The following TTC28 variants were observed in gnomAD, a reference collection of about 807,000 sequenced individuals.
The protein encoded by TTC28 is tetratricopeptide repeat domain 28.
A neutral mutation model predicts 198.0 loss-of-function variants in TTC28; 61 were observed. That is an observed-to-expected ratio of 0.31 (90% CI 0.25 to 0.38). TTC28 has a LOEUF of 0.38. TTC28 is among the 10% of genes least tolerant of loss of function. TTC28 has a pLI of 1.00. For missense variants in TTC28, 2,678 were observed against 3,164.0 expected (o/e 0.85, Z 3.69); for synonymous variants, 1,171 against 1,297.8 (o/e 0.90, Z 2.10).
intron 12 of TTC28, among the ~76,000 whole-genome samples, chr22:28,031,574 T>C (rs1190360640): frequency 6.6e-6 from 1 of 152,064 alleles, no homozygotes; most frequent in Non-Finnish European, 1.5e-5. Context: ...AGGACAAACA[T>C]GACCCACTTC....
intron 2 of TTC28, among the ~76,000 whole-genome samples, chr22:28,489,915 C>T (rs1184852993): frequency 1.3e-5 from 2 of 152,114 alleles, no homozygotes. Context: ...CAAGGTCCCA[C>T]AATAGGCTGT....
intron 2 of TTC28, among the ~76,000 whole-genome samples, chr22:28,401,987 C>G (rs1303653593): frequency 2.0e-5 from 3 of 152,188 alleles, no homozygotes. Context: ...TCCCTCCCAT[C>G]TGTTTACTGG....
intron 6 of TTC28, among the ~76,000 whole-genome samples, chr22:28,141,894 C>T (rs889186610): frequency 2.6e-5 from 4 of 152,154 alleles, no homozygotes; most frequent in Admixed American, 6.5e-5. Flanking sequence ...ACAAGGGATT[C>T]ATTTATTACA....
At chr22:28,055,983 TTTC>T (rs1940271191) in intron 12 of TTC28, among the ~76,000 whole-genome samples, 1 of 152,328 alleles carries the variant, frequency 6.6e-6, no homozygotes, top group East Asian at 1.9e-4. Flanking sequence ...TAGTTCATTC[TTTC>T]TTATTTTTCC....
At chr22:28,567,314 A>AG (rs1229773937) in intron 2 of TTC28, among the ~76,000 whole-genome samples, 1 of 148,298 alleles carries the variant, frequency 6.7e-6, no homozygotes, top group Non-Finnish European at 1.5e-5. Context: ...AATTGAGCTC[A>AG]GGGGGTCAAG....
chr22:28,098,901 C>T lies in TTC28; in HGVS notation c.3547+14G>A. 6.4e-7 allele frequency: 1 copy of T among 1,551,282 alleles called. No individual in the cohort carries two copies. The highest frequency in any genetic ancestry group is 8.7e-7 in the Non-Finnish European group (1 of 1,146,776). ...GTGCACACGTAAGCAAGGAGTAACC[C>T]CAGCTGTTCTCACCTAGGCTGACGA... On this transcript the variant is annotated intron_variant, in intron 10 of 22. Coordinates refer to ENST00000397906, the MANE Select transcript of TTC28 (RefSeq NM_001145418.2).
intron 2 of TTC28, among the ~76,000 whole-genome samples, chr22:28,396,990 A>T (rs1040113560): frequency 6.6e-6 from 1 of 152,212 alleles, no homozygotes; most frequent in Non-Finnish European, 1.5e-5. Context: ...CCACAGCTTG[A>T]CACTGCTTTA....
intron 2 of TTC28, among the ~76,000 whole-genome samples, chr22:28,496,253 G>A (rs1406518024): frequency 2.0e-5 from 3 of 151,774 alleles, no homozygotes; most frequent in East Asian, 1.9e-4. Context: ...CTATAAATGC[G>A]TATCTCTGGC....
chr22:28,639,498 C>G (rs966729294), intron 1 of TTC28, among the ~76,000 whole-genome samples: 1 of 152,170 alleles, frequency 6.6e-6, no homozygotes, highest in Non-Finnish European at 1.5e-5. Context: ...TGTGTCCCCA[C>G]CCAAGTCTCA....
At chr22:28,621,913 AAGAG>A (rs1457093068) in intron 2 of TTC28, among the ~76,000 whole-genome samples, 1 of 152,196 alleles carries the variant, frequency 6.6e-6, no homozygotes, top group Non-Finnish European at 1.5e-5. Context: ...TCAAAACATC[AAGAG>A]AATCATTAAA....
At chr22:28,636,320 T>C (rs2051271382) in intron 1 of TTC28, among the ~76,000 whole-genome samples, 1 of 151,844 alleles carries the variant, frequency 6.6e-6, no homozygotes. Flanking sequence ...AGAGACGGGG[T>C]TTCACCGTGT....
At chr22:28,562,196 A>G (rs1252270394) in intron 2 of TTC28, among the ~76,000 whole-genome samples, 1 of 152,258 alleles carries the variant, frequency 6.6e-6, no homozygotes, top group Non-Finnish European at 1.5e-5. Flanking sequence ...TATGTAGTAC[A>G]TGGAGAAGAG....
intron 9 of TTC28, among the ~76,000 whole-genome samples, chr22:28,100,869 A>T (rs1469221128): frequency 6.6e-6 from 1 of 152,262 alleles, no homozygotes; most frequent in East Asian, 1.9e-4. Flanking sequence ...ATGAAATTTA[A>T]TTATGAATTT....
At chr22:28,354,414 A>C (rs1183238825) in intron 2 of TTC28, among the ~76,000 whole-genome samples, 1 of 152,196 alleles carries the variant, frequency 6.6e-6, no homozygotes, top group Non-Finnish European at 1.5e-5. Flanking sequence ...AAGTAAAATA[A>C]ACCAGATACA....
intron 12 of TTC28, among the ~76,000 whole-genome samples, chr22:28,035,003 T>C (rs1317897140): frequency 2.0e-5 from 3 of 152,226 alleles, no homozygotes; most frequent in Non-Finnish European, 4.4e-5. Context: ...CATCCTGTTC[T>C]TGGGGACAGG....
intron 1 of TTC28, among the ~76,000 whole-genome samples, chr22:28,656,498 G>A (rs763802916): frequency 1.3e-5 from 2 of 152,198 alleles, no homozygotes; most frequent in African/African-American, 2.4e-5. Flanking sequence ...CAGAATCTCA[G>A]TCCCAGGATC....
At chr22:27,993,018 T>C in intron 18 of TTC28, 1 of 567,862 alleles carries the variant, frequency 1.8e-6, no homozygotes, top group East Asian at 2.9e-5. Flanking sequence ...GGCCAGTGTC[T>C]GCCGGCACGA....
At chr22:28,606,106 C>T (rs1398234395) in intron 2 of TTC28, among the ~76,000 whole-genome samples, 2 of 142,978 alleles carry the variant, frequency 1.4e-5, no homozygotes, top group South Asian at 4.4e-4. Flanking sequence ...TTTTTTGAGA[C>T]GATATCTCTC....
intron 14 of TTC28, among the ~76,000 whole-genome samples, chr22:28,003,749 C>T (rs950898003): frequency 1.3e-5 from 2 of 152,234 alleles, no homozygotes; most frequent in Non-Finnish European, 2.9e-5. Flanking sequence ...TCTGCTAACT[C>T]TGCCCACGAA....
Sources: allele counts gnomAD v4.1 joint callset (sites outside exome capture counted in the v4.1 genomes callset), GRCh38; gene constraint gnomAD v4.1.1; transcripts MANE v1.5; gene names NCBI Gene and HGNC (gene_info 2026-07-23, HGNC 2026-07-21).